The following DOCK1 variants were observed in gnomAD, a reference collection of about 807,000 sequenced individuals.
The protein encoded by DOCK1 is dedicator of cytokinesis 1.
Under a neutral mutation model 262.7 loss-of-function variants are expected in DOCK1, and 138 were observed. The ratio of observed to expected loss-of-function variants is 0.53; its 90% CI spans 0.46 to 0.61. The LOEUF (loss-of-function observed/expected upper bound fraction) is 0.61, where lower values mean the gene tolerates loss of function less well. Ranked by LOEUF, DOCK1 falls within the 20% of genes least tolerant of loss-of-function variation. The probability of loss-of-function intolerance (pLI) is 0.00; values close to 1 mark genes in which losing one functional copy is unlikely to be tolerated. For missense variants in DOCK1, 1,908 were observed against 2,370.7 expected, an observed-to-expected ratio of 0.80 and a Z score of 4.05; for synonymous variants, 866 against 867.4, an observed-to-expected ratio of 1.00 and a Z score of 0.03.
At chr10:127,344,079 C>T (rs145048760) in intron 31 of DOCK1, 23 of 212,646 alleles carry the variant, frequency 1.1e-4, no homozygotes, top group African/African-American at 3.9e-4. Flanking sequence ...TTCTTCAATT[C>T]GAAAGGAGCT....
chr10:127,328,688 C>T (rs1043586632), intron 29 of DOCK1, among the ~76,000 whole-genome samples: 4 of 152,130 alleles, frequency 2.6e-5, no homozygotes, highest in Admixed American at 2.0e-4. Context: ...CGTGATTGGG[C>T]GTCTGGGTGT....
chr10:127,362,924 CACAT>C (rs2064622940), intron 33 of DOCK1, among the ~76,000 whole-genome samples: 1 of 142,458 alleles, frequency 7.0e-6, no homozygotes, highest in Non-Finnish European at 1.5e-5. Flanking sequence ...CACACATATA[CACAT>C]GCACATCCCC....
intron 29 of DOCK1, among the ~76,000 whole-genome samples, chr10:127,259,505 A>G (rs916601742): frequency 3.3e-5 from 5 of 152,202 alleles, no homozygotes; most frequent in African/African-American, 1.2e-4. Context: ...ATCATTGGCC[A>G]GGAGCAGAGG....
At chr10:127,447,003 T>G (rs1931703) in intron 50 of DOCK1, among the ~76,000 whole-genome samples, 89,999 of 151,610 alleles carry the variant, frequency 0.59, 27,123 homozygotes, top group African/African-American at 0.71. Context: ...GGGCCTGGCT[T>G]GGCTTCGAAA....
At chr10:127,317,269 T>C (rs1284091295) in intron 29 of DOCK1, among the ~76,000 whole-genome samples, 1 of 152,254 alleles carries the variant, frequency 6.6e-6, no homozygotes, top group Non-Finnish European at 1.5e-5. Context: ...GTCACGTCCG[T>C]ACATCTGAGT....
chr10:127,108,228 A>G (rs2136232626), intron 24 of DOCK1, among the ~76,000 whole-genome samples: 1 of 152,352 alleles, frequency 6.6e-6, no homozygotes, highest in East Asian at 1.9e-4. Flanking sequence ...ACTTAAGTCC[A>G]CTACCCAAAA....
At chr10:127,125,691 G>A (rs896206338) in intron 26 of DOCK1, 90 bp downstream of exon 26, 231 of 1,500,084 alleles carry the variant, frequency 1.5e-4, no homozygotes, top group Non-Finnish European at 1.9e-4. Flanking sequence ...AAAAATGAAA[G>A]GTCTTGATTT....
At chr10:127,293,343 C>G (rs1420429006) in intron 29 of DOCK1, among the ~76,000 whole-genome samples, 2 of 152,212 alleles carry the variant, frequency 1.3e-5, no homozygotes, top group Admixed American at 6.5e-5. Flanking sequence ...AACTGCCCGA[C>G]CATGGAGAGA....
chr10:127,311,814 T>G (rs2062072078), intron 29 of DOCK1, among the ~76,000 whole-genome samples: 1 of 152,214 alleles, frequency 6.6e-6, no homozygotes, highest in African/African-American at 2.4e-5. Flanking sequence ...CTGCTTAAAT[T>G]GACTCCTACA....
At chr10:127,188,502 C>G (rs969995719) in intron 27 of DOCK1, among the ~76,000 whole-genome samples, 2 of 152,132 alleles carry the variant, frequency 1.3e-5, no homozygotes, top group Admixed American at 6.5e-5. Flanking sequence ...TGAGACCAGT[C>G]ATTCGTACAT....
intron 4 of DOCK1, among the ~76,000 whole-genome samples, chr10:126,985,872 T>C (rs1040506198): frequency 5.9e-5 from 9 of 152,138 alleles, no homozygotes; most frequent in African/African-American, 2.2e-4. Context: ...TGAGATGGTG[T>C]CTCGCTTTGT....
chr10:127,284,720 C>T (rs1477732373), intron 29 of DOCK1, among the ~76,000 whole-genome samples: 1 of 152,142 alleles, frequency 6.6e-6, no homozygotes, highest in Admixed American at 6.5e-5. Flanking sequence ...TCACTGCACT[C>T]CAGCCAGGGT....
intron 7 of DOCK1, 109 bp from the exon 8 acceptor site, chr10:126,997,983 G>T: frequency 7.1e-7 from 1 of 1,414,654 alleles, no homozygotes. Context: ...GGCCTTTGCT[G>T]GGTTATGCCA....
intron 14 of DOCK1, among the ~76,000 whole-genome samples, 182 bp downstream of exon 14, chr10:127,023,506 C>T (rs1197902278): frequency 6.7e-6 from 1 of 150,004 alleles, no homozygotes; most frequent in East Asian, 2.0e-4. Flanking sequence ...GTCCTCTGGT[C>T]CTGGCAGCTG....
chr10:127,374,254 C>T, intron 35 of DOCK1, 40 bp downstream of exon 35: 1 of 1,579,346 alleles, frequency 6.3e-7, no homozygotes, highest in Non-Finnish European at 8.6e-7. Flanking sequence ...GTTTTCACAG[C>T]ACACCAGAAA....
intron 18 of DOCK1, among the ~76,000 whole-genome samples, chr10:127,036,958 C>G (rs1231926739): frequency 8.0e-6 from 1 of 125,418 alleles, no homozygotes; most frequent in Non-Finnish European, 1.6e-5. Flanking sequence ...GCCTGGGCAG[C>G]AAGAGCGAAA....
chr10:127,189,200 T>C (rs1372594117), intron 27 of DOCK1, among the ~76,000 whole-genome samples: 2 of 152,216 alleles, frequency 1.3e-5, no homozygotes, highest in East Asian at 1.9e-4. Flanking sequence ...ACGGTTGTCT[T>C]AGACTTATAC....
chr10:127,283,160 C>T (rs538767919), intron 29 of DOCK1, among the ~76,000 whole-genome samples: 3 of 152,350 alleles, frequency 2.0e-5, no homozygotes, highest in Non-Finnish European at 2.9e-5. Context: ...AAGTTCTGCT[C>T]GGCTGCCTTG....
At chr10:127,131,402 T>TA (rs1262769236) in intron 27 of DOCK1, among the ~76,000 whole-genome samples, 1 of 152,208 alleles carries the variant, frequency 6.6e-6, no homozygotes, top group Non-Finnish European at 1.5e-5. Flanking sequence ...GTTTCTTTTA[T>TA]AAAATGCAGC....
Sources: gnomAD v4.1 joint callset for allele counts (sites outside exome capture counted in the v4.1 genomes callset) on GRCh38, gnomAD v4.1.1 for gene constraint, MANE v1.5 for transcripts, NCBI Gene and HGNC (gene_info 2026-07-23, HGNC 2026-07-21) for gene names.